The following KIF18A variants were observed in gnomAD, a reference collection of about 807,000 sequenced individuals.
KIF18A encodes the protein kinesin family member 18A, also known as kinesin-like protein KIF18A.
In KIF18A, 67 loss-of-function variants were observed where a neutral mutation model predicts 103.3. The observed-to-expected ratio is 0.65, with a 90% CI of 0.53 to 0.79. The LOEUF (loss-of-function observed/expected upper bound fraction) is 0.79, where lower values mean the gene tolerates loss of function less well. Ranked by LOEUF, KIF18A falls within the 30% of genes least tolerant of loss-of-function variation. KIF18A has a pLI of 0.00. For missense variants in KIF18A, 1,032 were observed against 1,062.5 expected, an observed-to-expected ratio of 0.97 and a Z score of 0.40; for synonymous variants, 367 against 355.5, an observed-to-expected ratio of 1.03 and a Z score of -0.36.
chr11:28,106,959 A>C (rs1416130373), intron 1 of KIF18A, among the ~76,000 whole-genome samples: 1 of 152,234 alleles, frequency 6.6e-6, no homozygotes, highest in African/African-American at 2.4e-5. Flanking sequence ...CCACAGAGCG[A>C]GACTCTGTCT....
intron 14 of KIF18A, 27 bp downstream of exon 14, chr11:28,036,190 G>T: frequency 7.0e-7 from 1 of 1,432,262 alleles, no homozygotes; most frequent in Non-Finnish European, 9.4e-7. Context: ...TAAAAAAAAA[G>T]AATTGGCAAA....
chr11:28,036,342 T>C lies in KIF18A; in HGVS notation c.2271A>G (p.Arg757=), dbSNP rs1170824243. 3 of 1,611,106 alleles carry C rather than the reference T, an allele frequency of 1.9e-6. No individual in the cohort carries two copies. The highest frequency in any genetic ancestry group is 2.5e-6 in the Non-Finnish European group (3 of 1,178,060). The change falls in exon 14 of 17, where the codon AGA becomes AGG. Residue 757 remains arginine, a synonymous_variant. Transcript: ENST00000263181. The stretch of plus-strand genomic sequence containing the variant: ...AGTCCTCCTGTCCACATTCTTTTCT[T>C]CTATTATGAGGGATAGCTACTTCAC... ...MLCEVAIPHN[R]RKECGQEDLD... is the part of the protein sequence containing the mutation.
At chr11:28,064,633 C>A (rs906567115) in intron 11 of KIF18A, among the ~76,000 whole-genome samples, 2 of 151,978 alleles carry the variant, frequency 1.3e-5, no homozygotes, top group African/African-American at 4.8e-5. Context: ...TATACATCCT[C>A]TGATAATCTT....
chr11:28,098,654 A>G (rs1851405966), intron 1 of KIF18A, among the ~76,000 whole-genome samples: 1 of 152,152 alleles, frequency 6.6e-6, no homozygotes, highest in Non-Finnish European at 1.5e-5. Context: ...CTAGTCTCTG[A>G]ATATTGATCC....
intron 12 of KIF18A, among the ~76,000 whole-genome samples, chr11:28,061,003 C>A (rs1850850303): frequency 6.6e-6 from 1 of 152,178 alleles, no homozygotes; most frequent in African/African-American, 2.4e-5. Context: ...GTACCTTTTC[C>A]CTTTGCCGAA....
chr11:28,035,517 A>C (rs776729733), intron 14 of KIF18A, 23 bp from the exon 15 acceptor site: 1 of 1,335,734 alleles, frequency 7.5e-7, no homozygotes, highest in South Asian at 1.6e-5. Flanking sequence ...AGTGACAAAT[A>C]AAAAATAATA....
chr11:28,077,145 C>A lies in KIF18A; in HGVS notation c.1287G>T (p.Leu429Phe). 6.3e-7 allele frequency: 1 copy of A among 1,575,936 alleles called. No individual in the cohort carries two copies. The highest frequency in any genetic ancestry group is 8.6e-7 in the Non-Finnish European group (1 of 1,169,306). The stretch of plus-strand genomic sequence containing the variant: ...GTCTAATTTCTTCTCGATTCTGGAA[C>A]AAGCAGTTCAGGATTTCTTGAAACC... ...IERFQEILNC[L>F]FQNREEIRQE... is the part of the protein sequence containing the mutation. The change falls in exon 10 of 17, where the codon TTG becomes TTT. Residue 429 changes from leucine (L) to phenylalanine (F), a missense_variant. Leu to Phe is a conservative substitution (Grantham distance 22). Coordinates refer to ENST00000263181, the MANE Select transcript of KIF18A (RefSeq NM_031217.4).
Position 28,084,652 on chromosome 11 carries a change from C to T in KIF18A, c.1054G>A (p.Ala352Thr), listed in dbSNP as rs201736669. 4 of 1,610,344 alleles carry T rather than the reference C, an allele frequency of 2.5e-6. No homozygotes were observed. The highest frequency in any genetic ancestry group is 1.1e-5 in the South Asian group (1 of 90,688). Residue 352 changes from alanine (A) to threonine (T), a missense_variant, in exon 7 of 17, where the codon GCA (alanine) becomes ACA (threonine). Transcript: ENST00000263181. ...TYNTLKYANR[A>T]KDIKSSLKSN... Reference sequence around the variant, plus strand: ...CTTACAGAAGATTTAATGTCCTTTGCCCGGTTAGCATACTTAAGAGTGTTA... The same window carrying T: ...CTTACAGAAGATTTAATGTCCTTTGTCCGGTTAGCATACTTAAGAGTGTTA...
chr11:28,100,996 A>G (rs892526668), intron 1 of KIF18A, among the ~76,000 whole-genome samples: 1 of 152,182 alleles, frequency 6.6e-6, no homozygotes, highest in African/African-American at 2.4e-5. Flanking sequence ...AGGGGTAAGT[A>G]TTAAGGTATT....
At chr11:28,073,975 T>C (rs1262359189) in intron 10 of KIF18A, among the ~76,000 whole-genome samples, 1 of 152,036 alleles carries the variant, frequency 6.6e-6, no homozygotes, top group Non-Finnish European at 1.5e-5. Flanking sequence ...TTGACACTTA[T>C]ATAATCTACA....
chr11:28,088,690 C>T lies in KIF18A; in HGVS notation c.731G>A (p.Ser244Asn). Residue 244 changes from serine (S) to asparagine (N), a missense_variant, in exon 6 of 17, where the codon AGT becomes AAT. By Grantham distance (46) the Ser-to-Asn change is conservative. Transcript: ENST00000263181. ...IYLRQQDKTA[S>N]INQNVRIAKM... is the part of the protein sequence containing the mutation. ...GGCAATACGGACATTTTGATTGATACTTGCTGTTTTGTCTTGTTGTCGCAA... is the reference window on the plus strand; with the variant it reads ...GGCAATACGGACATTTTGATTGATATTTGCTGTTTTGTCTTGTTGTCGCAA... 6.2e-7 allele frequency: 1 copy of T among 1,613,896 alleles called. No homozygotes were observed. The highest frequency in any genetic ancestry group is 1.3e-5 in the African/African-American group (1 of 75,008).
intron 10 of KIF18A, among the ~76,000 whole-genome samples, chr11:28,075,921 T>TA (rs1251074785): frequency 1.3e-5 from 2 of 152,148 alleles, no homozygotes; most frequent in Middle Eastern, 3.2e-3. Flanking sequence ...AGCAAGCCTA[T>TA]AATGGTAGTG....
intron 13 of KIF18A, among the ~76,000 whole-genome samples, chr11:28,055,779 C>T (rs1850773008): frequency 6.6e-6 from 1 of 152,028 alleles, no homozygotes. Context: ...AATAATTTTG[C>T]AAATACCTGA....
At chr11:28,081,438 G>A (rs922983818) in intron 9 of KIF18A, among the ~76,000 whole-genome samples, 2 of 152,004 alleles carry the variant, frequency 1.3e-5, no homozygotes, top group Non-Finnish European at 2.9e-5. Flanking sequence ...AAACATCCTA[G>A]GGCCCTTATG....
chr11:28,051,000 T>G (rs991664807), intron 13 of KIF18A, among the ~76,000 whole-genome samples: 1 of 151,818 alleles, frequency 6.6e-6, no homozygotes, highest in Non-Finnish European at 1.5e-5. Flanking sequence ...GTCACAAAAA[T>G]ACAAAATATT....
chr11:28,028,412 C>A (rs1850349313), intron 15 of KIF18A, among the ~76,000 whole-genome samples: 1 of 152,048 alleles, frequency 6.6e-6, no homozygotes, highest in East Asian at 1.9e-4. Context: ...ACTGAACAAC[C>A]TGCTCCTGAA....
chr11:28,034,981 TTATATTTTAGTCA>T (rs1439302912), intron 15 of KIF18A, among the ~76,000 whole-genome samples: 27 of 151,770 alleles, frequency 1.8e-4, no homozygotes, highest in Non-Finnish European at 3.1e-4. Flanking sequence ...TCTTCACTCA[TTATATTTTAGTCA>T]TATATCTTAA....
At chr11:28,063,291 T>G (rs1434830832) in intron 11 of KIF18A, among the ~76,000 whole-genome samples, 1 of 152,018 alleles carries the variant, frequency 6.6e-6, no homozygotes, top group Non-Finnish European at 1.5e-5. Flanking sequence ...CCTTTCCAGT[T>G]AGAAAATTAA....
In KIF18A at chr11:28,077,185, C is replaced by T; in HGVS notation, c.1263-16G>A. The T allele has an allele frequency of 1.3e-6, 2 of 1,538,142 alleles. No homozygotes were observed. The highest frequency in any genetic ancestry group is 1.7e-6 in the Non-Finnish European group (2 of 1,148,474). On this transcript the variant is annotated splice_polypyrimidine_tract_variant and intron_variant, in intron 9 of 16. Transcript: ENST00000263181. ...TTCTTGAAACCTACCAAAATTAAAA[C>T]ACATTACAGAATCTCACTAATTTTG...
Sources: gnomAD v4.1 joint callset for allele counts (sites outside exome capture counted in the v4.1 genomes callset) on GRCh38, gnomAD v4.1.1 for gene constraint, MANE v1.5 for transcripts, NCBI Gene and HGNC (gene_info 2026-07-23, HGNC 2026-07-21) for gene names.